The following MBD5 variants were observed in gnomAD, a reference collection of about 807,000 sequenced individuals.
MBD5 encodes the protein methyl-CpG-binding domain protein 5.
Under a neutral mutation model 117.3 loss-of-function variants are expected in MBD5, and 13 were observed. The ratio of observed to expected loss-of-function variants is 0.11; its 90% CI spans 0.07 to 0.18. The LOEUF (loss-of-function observed/expected upper bound fraction) is 0.18, where lower values mean the gene tolerates loss of function less well. Ranked by LOEUF, MBD5 falls within the 10% of genes least tolerant of loss-of-function variation. The pLI, the probability that MBD5 is intolerant of heterozygous loss-of-function variation, is 1.00. For synonymous variants in MBD5, 727 were observed against 766.4 expected (o/e 0.95, Z 0.85); for missense variants, 1,879 against 2,093.8 (o/e 0.90, Z 2.00).
chr2:148,076,226 T>C (rs899729875), intron 1 of MBD5, among the ~76,000 whole-genome samples: 2 of 152,180 alleles, frequency 1.3e-5, no homozygotes, highest in African/African-American at 4.8e-5. Context: ...ATAAAGATGT[T>C]TCTGTCTTTC....
At chr2:148,358,465 AC>A (rs1703442181) in intron 4 of MBD5, among the ~76,000 whole-genome samples, 1 of 152,144 alleles carries the variant, frequency 6.6e-6, no homozygotes, top group African/African-American at 2.4e-5. Flanking sequence ...TAAATACAAT[AC>A]TTTCTCCTAT....
chr2:148,106,115 G>A (rs1220012696), intron 1 of MBD5, among the ~76,000 whole-genome samples: 1 of 151,772 alleles, frequency 6.6e-6, no homozygotes, highest in Non-Finnish European at 1.5e-5. Flanking sequence ...TTCTACAACT[G>A]TTGATGCAGT....
At chr2:148,143,355 C>T (rs1370232006) in intron 1 of MBD5, among the ~76,000 whole-genome samples, 1 of 152,134 alleles carries the variant, frequency 6.6e-6, no homozygotes, top group African/African-American at 2.4e-5. Flanking sequence ...GGATGTTTGC[C>T]TCTGGAGACA....
chr2:148,296,862 CAA>C (rs1559010676), intron 3 of MBD5, among the ~76,000 whole-genome samples: 58 of 27,866 alleles, frequency 2.1e-3, no homozygotes, highest in Middle Eastern at 0.042. Flanking sequence ...TTTAGTTCTT[CAA>C]TTTTTTTTTT....
chr2:148,402,519 C>G (rs1704954994), intron 4 of MBD5, among the ~76,000 whole-genome samples: 1 of 152,118 alleles, frequency 6.6e-6, no homozygotes, highest in African/African-American at 2.4e-5. Flanking sequence ...TTCCTCCCTC[C>G]TACTTCTCCC....
At chr2:148,040,454 C>G (rs1406732432) in intron 1 of MBD5, among the ~76,000 whole-genome samples, 1 of 152,016 alleles carries the variant, frequency 6.6e-6, no homozygotes, top group African/African-American at 2.4e-5. Context: ...GATTATCCAG[C>G]CTTTTGATTC....
intron 4 of MBD5, among the ~76,000 whole-genome samples, chr2:148,367,493 A>G (rs1224528283): frequency 1.3e-5 from 2 of 152,230 alleles, no homozygotes; most frequent in African/African-American, 2.4e-5. Context: ...TAATTAAACT[A>G]AAGAGCTTCT....
intron 3 of MBD5, among the ~76,000 whole-genome samples, chr2:148,322,784 A>G (rs1574284838): frequency 6.6e-6 from 1 of 152,312 alleles, no homozygotes; most frequent in Non-Finnish European, 1.5e-5. Context: ...AGTTATATAT[A>G]TAACTTTTAT....
intron 1 of MBD5, among the ~76,000 whole-genome samples, chr2:148,069,864 A>C (rs796344919): frequency 2.0e-5 from 3 of 152,158 alleles, no homozygotes; most frequent in South Asian, 2.1e-4. Context: ...ATTTTTTTAC[A>C]TACATAGACA....
At chr2:148,491,810 G>T (rs73003507) in intron 11 of MBD5, among the ~76,000 whole-genome samples, 14,480 of 151,818 alleles carry the variant, frequency 0.095, 868 homozygotes, top group East Asian at 0.17. Flanking sequence ...AAATATTTTT[G>T]ACAGTTTATT....
At chr2:148,362,983 G>A (rs1703585511) in intron 4 of MBD5, among the ~76,000 whole-genome samples, 1 of 152,078 alleles carries the variant, frequency 6.6e-6, no homozygotes, top group Admixed American at 6.6e-5. Flanking sequence ...CCCATCTGAA[G>A]GTCACCAACA....
At chr2:148,050,989 A>G (rs550014912) in intron 1 of MBD5, among the ~76,000 whole-genome samples, 82 of 152,272 alleles carry the variant, frequency 5.4e-4, no homozygotes, top group African/African-American at 1.9e-3. Flanking sequence ...AGGAGATTGT[A>G]TTGAGTCTGT....
chr2:148,154,873 T>G (rs1697824583), intron 1 of MBD5, among the ~76,000 whole-genome samples: 1 of 152,168 alleles, frequency 6.6e-6, no homozygotes, highest in Non-Finnish European at 1.5e-5. Context: ...CAGATGGAAA[T>G]GCAGAAATCA....
rs557861060 is a variant in MBD5, at chr2:148,232,835, A to G, written c.-830-410A>G. ...GGTTTTTGTTCTAGATTTTTCCCTA[A>G]GTGTTAGAGCTAAGAAATCAGCTTG... On this transcript the variant is annotated intron_variant, in intron 2 of 13. Transcript: ENST00000642680. Among the ~76,000 whole-genome samples, 46 of 152,128 alleles carry G rather than the reference A, an allele frequency of 3.0e-4. No individual in the cohort carries two copies. The South Asian group carries it at 9.6e-3, about 32-fold the overall frequency.
chr2:148,382,924 C>T (rs1704201777), intron 4 of MBD5, among the ~76,000 whole-genome samples: 1 of 151,186 alleles, frequency 6.6e-6, no homozygotes, highest in African/African-American at 2.4e-5. Flanking sequence ...AAAGACACAA[C>T]ATACCAGAAT....
At chr2:148,082,428 TC>T (rs1367945686) in intron 1 of MBD5, among the ~76,000 whole-genome samples, 7 of 152,254 alleles carry the variant, frequency 4.6e-5, no homozygotes, top group Non-Finnish European at 1.0e-4. Flanking sequence ...ACTACCAGCA[TC>T]TCAGTCTGGA....
intron 4 of MBD5, among the ~76,000 whole-genome samples, chr2:148,432,706 A>G (rs116312290): frequency 0.016 from 2,360 of 152,096 alleles, 60 homozygotes; most frequent in African/African-American, 0.054. Flanking sequence ...TGGGCCCTCT[A>G]TTCTATTCCA....
chr2:148,412,681 T>A (rs1421445386), intron 4 of MBD5, among the ~76,000 whole-genome samples: 1 of 152,152 alleles, frequency 6.6e-6, no homozygotes, highest in Non-Finnish European at 1.5e-5. Flanking sequence ...ACCTCCCTAG[T>A]TAGCTGTATT....
intron 1 of MBD5, among the ~76,000 whole-genome samples, chr2:148,147,803 A>C (rs1244398416): frequency 6.6e-6 from 1 of 151,958 alleles, no homozygotes; most frequent in African/African-American, 2.4e-5. Flanking sequence ...TTGGGTGATG[A>C]CCTCAATGCT....
Sources: gnomAD v4.1 joint callset for allele counts (sites outside exome capture counted in the v4.1 genomes callset) on GRCh38, gnomAD v4.1.1 for gene constraint, MANE v1.5 for transcripts, NCBI Gene and HGNC (gene_info 2026-07-23, HGNC 2026-07-21) for gene names.